Variants in DLEU7 observed in about 807,000 individuals in gnomAD.
The protein encoded by DLEU7 is deleted in lymphocytic leukemia 7.
Under a neutral mutation model 16.0 loss-of-function variants are expected in DLEU7, and 17 were observed. That is an observed-to-expected ratio of 1.06 (90% CI 0.73 to 1.59). The LOEUF is 1.59. Ranked by LOEUF, DLEU7 falls within the 40% of genes most tolerant of loss-of-function variation. The pLI is 0.00. For synonymous variants in DLEU7, 113 were observed against 139.8 expected (o/e 0.81, Z 1.35); for missense variants, 308 against 314.9 (o/e 0.98, Z 0.17).
At chr13:50,770,632 G>A (rs527701932) in intron 1 of DLEU7, among the ~76,000 whole-genome samples, 6 of 152,274 alleles carry the variant, frequency 3.9e-5, no homozygotes, top group African/African-American at 1.4e-4. Context: ...CAACTTGATC[G>A]TGGTGGATAA....
intron 1 of DLEU7, among the ~76,000 whole-genome samples, chr13:50,742,513 A>G (rs1874279375): frequency 1.3e-5 from 2 of 152,142 alleles, no homozygotes; most frequent in Non-Finnish European, 2.9e-5. Context: ...TAACACAGGA[A>G]GCCACACTCA....
rs55722607 is a variant in DLEU7 at position 50,738,962 on chromosome 13, TACACACACACACACACACAC to T, written c.460-25742_460-25723del. Among the ~76,000 whole-genome samples the T allele has an allele frequency of 2.2e-3, 312 of 144,758 alleles. 1 individual carries two copies. The highest frequency in any genetic ancestry group is 7.2e-3 in the African/African-American group (286 of 39,784). 95.0% of individuals were successfully genotyped at this position (144,758 alleles called of 152,430 possible). A position where few individuals can be genotyped will look rare whatever the true frequency, so the allele number is the denominator to read the frequency against. On this transcript the variant is annotated intron_variant, in intron 1 of 1. Coordinates refer to the DLEU7 transcript ENST00000400393. The stretch of plus-strand genomic sequence containing the variant: ...CCAGTGAGCAGCCTCTAAAAAATAA[TACACACACACACACACACAC>T]ACACACACACACACACACACACGCA...
At chr13:50,760,354 T>C (rs971141292) in intron 1 of DLEU7, among the ~76,000 whole-genome samples, 1 of 152,126 alleles carries the variant, frequency 6.6e-6, no homozygotes, top group African/African-American at 2.4e-5. Context: ...TTTTTTTTGG[T>C]GGGAGCTGGG....
intron 1 of DLEU7, among the ~76,000 whole-genome samples, chr13:50,773,332 T>C (rs1875387322): frequency 6.6e-6 from 1 of 152,224 alleles, no homozygotes; most frequent in African/African-American, 2.4e-5. Flanking sequence ...CTGTGATCCT[T>C]TGGAGGAGAA....
intron 1 of DLEU7, among the ~76,000 whole-genome samples, chr13:50,766,918 G>T (rs1875130537): frequency 6.6e-6 from 1 of 151,476 alleles, no homozygotes; most frequent in Non-Finnish European, 1.5e-5. Context: ...AAGACAGCTG[G>T]AGTGGAGACT....
intron 1 of DLEU7, among the ~76,000 whole-genome samples, chr13:50,801,873 C>A (rs1395072185): frequency 6.6e-6 from 1 of 152,026 alleles, no homozygotes; most frequent in African/African-American, 2.4e-5. Context: ...CTTTTAAATG[C>A]CTCAAACTCC....
chr13:50,753,120 T>C lies in DLEU7; in HGVS notation c.460-39880A>G, dbSNP rs1037201980. 6.0e-5 allele frequency among the ~76,000 whole-genome samples: 9 copies of C among 149,464 alleles called. 1 individual carries two copies. The East Asian group carries it at 1.8e-3, about 29-fold the overall frequency. On this transcript the variant is annotated intron_variant, in intron 1 of 1. Transcript: ENST00000400393. The stretch of plus-strand genomic sequence containing the variant: ...TTCACAAACCCTGAGCTAGACAGAG[T>C]GCTGATTGGTGTGTTTACAAACCTT...
chr13:50,823,610 C>T, intron 1 of DLEU7, 90 bp from the exon 2 acceptor site: 1 of 1,419,684 alleles, frequency 7.0e-7, no homozygotes, highest in South Asian at 1.4e-5. Context: ...ATTCTTTTCT[C>T]TTCTGGTGAC....
chr13:50,736,570 A>ATGTTATAG (rs1471260114), intron 1 of DLEU7, among the ~76,000 whole-genome samples: 5 of 152,168 alleles, frequency 3.3e-5, no homozygotes, highest in Non-Finnish European at 7.3e-5. Context: ...CCTAGAGAAA[A>ATGTTATAG]TGTTATAGCT....
intron 1 of DLEU7, among the ~76,000 whole-genome samples, chr13:50,824,247 A>G: frequency 6.6e-6 from 1 of 152,180 alleles, no homozygotes; most frequent in Non-Finnish European, 1.5e-5. Context: ...GTAATTCTAT[A>G]TTTTTAATCC....
intron 1 of DLEU7, chr13:50,840,162 A>T (rs1877600759): frequency 6.6e-6 from 1 of 152,204 alleles, no homozygotes; most frequent in African/African-American, 2.4e-5. Flanking sequence ...GATACAAAAT[A>T]GTTATTTCCA....
chr13:50,798,382 C>T (rs773721412), intron 1 of DLEU7, among the ~76,000 whole-genome samples: 6 of 152,160 alleles, frequency 3.9e-5, no homozygotes, highest in African/African-American at 7.2e-5. Context: ...TTAATTTTTA[C>T]GTTAAGTTCC....
intron 1 of DLEU7, among the ~76,000 whole-genome samples, chr13:50,713,436 C>G (rs757577579): frequency 1.3e-5 from 2 of 152,152 alleles, no homozygotes; most frequent in Non-Finnish European, 1.5e-5. Flanking sequence ...TAGAAGGACC[C>G]TAATTTCGAG....
chr13:50,806,956 G>A (rs1411501499), intron 1 of DLEU7, among the ~76,000 whole-genome samples: 5 of 120,876 alleles, frequency 4.1e-5, no homozygotes, highest in African/African-American at 2.1e-4. Flanking sequence ...TAGCCTGGGT[G>A]ACAGAGCTAG....
intron 1 of DLEU7, among the ~76,000 whole-genome samples, chr13:50,812,054 A>T (rs1369884471): frequency 1.6e-5 from 2 of 126,940 alleles, no homozygotes; most frequent in Non-Finnish European, 3.2e-5. Flanking sequence ...TGGGTGACAG[A>T]GCGAGATTCC....
At chr13:50,762,795 T>G (rs1874976752) in intron 1 of DLEU7, among the ~76,000 whole-genome samples, 1 of 120,430 alleles carries the variant, frequency 8.3e-6, no homozygotes, top group African/African-American at 3.7e-5. Flanking sequence ...CCCTTTATTG[T>G]GCTAGAAAAA....
At chr13:50,729,514 G>A (rs955318773) in intron 1 of DLEU7, among the ~76,000 whole-genome samples, 2 of 151,768 alleles carry the variant, frequency 1.3e-5, no homozygotes, top group South Asian at 4.1e-4. Flanking sequence ...TGTCTTTATG[G>A]TAGAAATATT....
chr13:50,804,515 C>T (rs559661424), intron 1 of DLEU7, among the ~76,000 whole-genome samples: 1 of 151,952 alleles, frequency 6.6e-6, no homozygotes, highest in Admixed American at 6.6e-5. Flanking sequence ...ATGATCTCAG[C>T]TCACTGCAAT....
intron 1 of DLEU7, among the ~76,000 whole-genome samples, chr13:50,758,299 G>A (rs1201663912): frequency 1.3e-5 from 2 of 152,104 alleles, no homozygotes; most frequent in African/African-American, 4.8e-5. Flanking sequence ...TCCAAAATGT[G>A]TCTTTAAGAC....
Sources: gnomAD v4.1 joint callset for allele counts (sites outside exome capture counted in the v4.1 genomes callset) on GRCh38, gnomAD v4.1.1 for gene constraint, MANE v1.5 for transcripts, NCBI Gene and HGNC (gene_info 2026-07-23, HGNC 2026-07-21) for gene names.